MAGI3: variants seen among roughly 807,000 people sequenced by gnomAD.
MAGI3 encodes membrane associated guanylate kinase, WW and PDZ domain containing 3, also known as membrane-associated guanylate kinase, WW and PDZ domain-containing protein 3.
A neutral mutation model predicts 121.8 loss-of-function variants in MAGI3; 43 were observed. That is an observed-to-expected ratio of 0.35 (90% CI 0.28 to 0.46). The LOEUF (loss-of-function observed/expected upper bound fraction) is 0.46. Among genes scored for constraint, MAGI3 ranks in the 20% least tolerant of loss-of-function variants. The probability of loss-of-function intolerance (pLI) is 1.00; values close to 1 mark genes in which losing one functional copy is unlikely to be tolerated. For synonymous variants in MAGI3, 553 were observed against 639.3 expected, an observed-to-expected ratio of 0.86 and a Z score of 2.04; for missense variants, 1,547 against 1,797.3, an observed-to-expected ratio of 0.86 and a Z score of 2.52.
chr1:113,629,712 C>T (rs1231024238), intron 9 of MAGI3, among the ~76,000 whole-genome samples: 1 of 151,468 alleles, frequency 6.6e-6, no homozygotes, highest in Non-Finnish European at 1.5e-5. Flanking sequence ...TTCTTCCAAA[C>T]AAACAAAGTC....
intron 1 of MAGI3, among the ~76,000 whole-genome samples, chr1:113,414,527 G>A (rs868101098): frequency 6.6e-6 from 1 of 151,928 alleles, no homozygotes; most frequent in Non-Finnish European, 1.5e-5. Flanking sequence ...TTGTTGGTAG[G>A]CTATTAATTA....
rs368554832 is a variant in MAGI3, at chr1:113,590,513, G to A, written c.793G>A (p.Asp265Asn). ...ENRERHSESS[D>N]WMKTVPSYNQ... ...CAGAGAGAGGCATTCTGAGTCATCT[G>A]ACTGGATGAAGACTGTTCCAAGTTA... Residue 265 changes from aspartate to asparagine, a missense_variant, in exon 5 of 21, where the codon GAC (aspartate) becomes AAC (asparagine). Transcript: ENST00000307546. 40 of 1,613,674 alleles carry A rather than the reference G, an allele frequency of 2.5e-5. 1 individual carries two copies. The highest frequency in any genetic ancestry group is 3.4e-5 in the Non-Finnish European group (40 of 1,179,666).
At chr1:113,478,095 T>C (rs1010841962) in intron 1 of MAGI3, among the ~76,000 whole-genome samples, 2 of 152,202 alleles carry the variant, frequency 1.3e-5, no homozygotes, top group African/African-American at 4.8e-5. Flanking sequence ...TTTAAGGTCT[T>C]CTCTACACTG....
chr1:113,583,428 T>TCATATCCTGCATTTTTA (rs1553202505), intron 3 of MAGI3, among the ~76,000 whole-genome samples: 1 of 152,148 alleles, frequency 6.6e-6, no homozygotes, highest in Non-Finnish European at 1.5e-5. Flanking sequence ...ATGGCAGTTA[T>TCATATCCTGCATTTTTA]CATATCCTGC....
At chr1:113,481,727 T>C (rs1261751854) in intron 1 of MAGI3, among the ~76,000 whole-genome samples, 1 of 152,228 alleles carries the variant, frequency 6.6e-6, no homozygotes, top group African/African-American at 2.4e-5. Flanking sequence ...AACTTAATTC[T>C]ATTTTTGTAT....
intron 7 of MAGI3, among the ~76,000 whole-genome samples, chr1:113,615,263 T>A (rs1210200427): frequency 1.3e-5 from 2 of 152,202 alleles, no homozygotes; most frequent in East Asian, 3.8e-4. Flanking sequence ...TGTCTAATTT[T>A]GCCTTCTCTT....
chr1:113,415,762 ACTT>A (rs1444504876), intron 1 of MAGI3, among the ~76,000 whole-genome samples: 5 of 151,970 alleles, frequency 3.3e-5, no homozygotes, highest in Non-Finnish European at 7.4e-5. Flanking sequence ...TATGCTTTGT[ACTT>A]CTTTTTAAGC....
intron 1 of MAGI3, among the ~76,000 whole-genome samples, chr1:113,412,146 G>A (rs144600972): frequency 0.052 from 7,883 of 151,464 alleles, 250 homozygotes; most frequent in Non-Finnish European, 0.074. Context: ...CCTTGTGATA[G>A]TTTGCTGAGA....
At position 113,664,588 on chromosome 1, in the gene MAGI3, G is replaced by A. The variant is rs140030536; in HGVS notation, c.2815+5323G>A. 2.9e-3 allele frequency among the ~76,000 whole-genome samples: 434 copies of A among 152,230 alleles called. 12 individuals carry two copies. In the South Asian group the frequency reaches 0.058, roughly 21 times the overall value. ...AAAAAAACAGTGTGAGAATTTCTGGGAGTGAAATTACTTGATCAGAGGGTA... is the reference window on the plus strand; with the variant it reads ...AAAAAAACAGTGTGAGAATTTCTGGAAGTGAAATTACTTGATCAGAGGGTA... On this transcript the variant is annotated intron_variant, in intron 16 of 20. Transcript: ENST00000307546.
chr1:113,514,960 G>A (rs1657813786), intron 1 of MAGI3, among the ~76,000 whole-genome samples: 1 of 151,954 alleles, frequency 6.6e-6, no homozygotes, highest in Non-Finnish European at 1.5e-5. Flanking sequence ...TAGTAGTTCT[G>A]GGTCAGTGCC....
chr1:113,617,585 T>C (rs1431856064), intron 7 of MAGI3, among the ~76,000 whole-genome samples: 1 of 152,198 alleles, frequency 6.6e-6, no homozygotes, highest in Non-Finnish European at 1.5e-5. Flanking sequence ...ATACGTCTAC[T>C]CTCCTCTCCC....
intron 5 of MAGI3, 80 bp from the exon 6 acceptor site, chr1:113,594,401 A>C (rs1290452757): frequency 2.7e-6 from 3 of 1,092,474 alleles, no homozygotes; most frequent in Non-Finnish European, 4.1e-6. Context: ...CATGTCTTTT[A>C]GTCACTTTTA....
chr1:113,465,094 C>T (rs1292146059), intron 1 of MAGI3, among the ~76,000 whole-genome samples: 4 of 151,996 alleles, frequency 2.6e-5, no homozygotes, highest in African/African-American at 7.2e-5. Context: ...GGAGCATCTC[C>T]CCAGTGTTTT....
At chr1:113,656,419 C>CTTTTT (rs1171768187) in intron 15 of MAGI3, among the ~76,000 whole-genome samples, 1 of 140,596 alleles carries the variant, frequency 7.1e-6, no homozygotes, top group African/African-American at 2.6e-5. Context: ...TTTTCTTTTT[C>CTTTTT]TTTTTTTTTT....
intron 1 of MAGI3, among the ~76,000 whole-genome samples, chr1:113,528,294 C>G (rs1467217834): frequency 1.4e-5 from 2 of 138,194 alleles, no homozygotes; most frequent in Admixed American, 1.5e-4. Context: ...CTCCCCCAAC[C>G]TTTTTTTTTT....
chr1:113,488,774 T>G (rs1656527941), intron 1 of MAGI3, among the ~76,000 whole-genome samples: 1 of 152,024 alleles, frequency 6.6e-6, no homozygotes, highest in African/African-American at 2.4e-5. Flanking sequence ...GCCCTTGCAC[T>G]AACACTGCTG....
chr1:113,622,193 G>C (rs1650867632), intron 8 of MAGI3, among the ~76,000 whole-genome samples: 1 of 152,052 alleles, frequency 6.6e-6, no homozygotes, highest in Admixed American at 6.5e-5. Flanking sequence ...TTATAAACCT[G>C]CACAATTTGA....
intron 1 of MAGI3, among the ~76,000 whole-genome samples, chr1:113,433,318 G>C (rs1387543357): frequency 6.6e-6 from 1 of 152,008 alleles, no homozygotes; most frequent in African/African-American, 2.4e-5. Context: ...TCCTGCTCTG[G>C]CTGATTTTTT....
At chr1:113,507,469 G>A (rs12046451) in intron 1 of MAGI3, among the ~76,000 whole-genome samples, 22,984 of 152,076 alleles carry the variant, frequency 0.15, 2,777 homozygotes, top group East Asian at 0.63. Flanking sequence ...AAATTTTGGC[G>A]TCTGTAAATC....
Sources: allele counts gnomAD v4.1 joint callset (sites outside exome capture counted in the v4.1 genomes callset), GRCh38; gene constraint gnomAD v4.1.1; transcripts MANE v1.5; gene names NCBI Gene and HGNC (gene_info 2026-07-23, HGNC 2026-07-21).